Variants in FLT1 observed in about 807,000 individuals in gnomAD.
The protein encoded by FLT1 is vascular endothelial growth factor receptor 1.
In FLT1, 49 loss-of-function variants were observed where a neutral mutation model predicts 156.3. The observed-to-expected ratio is 0.31, with a 90% CI of 0.25 to 0.40. FLT1 has a LOEUF of 0.40. Ranked by LOEUF, FLT1 falls within the 10% of genes least tolerant of loss-of-function variation. The pLI, the probability that FLT1 is intolerant of heterozygous loss-of-function variation, is 1.00. For missense variants in FLT1, 1,322 were observed against 1,637.2 expected (o/e 0.81, Z 3.32); for synonymous variants, 594 against 583.8 (o/e 1.02, Z -0.25).
intron 10 of FLT1, among the ~76,000 whole-genome samples, chr13:28,422,786 C>G (rs1207909233): frequency 6.6e-6 from 1 of 152,206 alleles, no homozygotes; most frequent in Non-Finnish European, 1.5e-5. Flanking sequence ...GAAAAGTAGA[C>G]TTTCAACATC....
chr13:28,305,055 G>T, intron 29 of FLT1, among the ~76,000 whole-genome samples: 1 of 152,280 alleles, frequency 6.6e-6, no homozygotes, highest in Non-Finnish European at 1.5e-5. Context: ...CCTAGGAGTT[G>T]AATTGCTGAG....
At chr13:28,428,821 A>AT (rs1180981458) in intron 8 of FLT1, among the ~76,000 whole-genome samples, 5 of 152,222 alleles carry the variant, frequency 3.3e-5, no homozygotes, top group African/African-American at 1.2e-4. Context: ...ATCATGCATG[A>AT]TTATAAAGTC....
chr13:28,377,119 T>G (rs1258985341), intron 14 of FLT1, among the ~76,000 whole-genome samples: 1 of 152,188 alleles, frequency 6.6e-6, no homozygotes, highest in African/African-American at 2.4e-5. Context: ...TGTATTATAT[T>G]CACTTCAGCT....
At chr13:28,490,896 C>T (rs1182487719) in intron 1 of FLT1, among the ~76,000 whole-genome samples, 1 of 152,220 alleles carries the variant, frequency 6.6e-6, no homozygotes, top group East Asian at 1.9e-4. Context: ...TTAGACACGC[C>T]TGGCCTCTAC....
intron 3 of FLT1, among the ~76,000 whole-genome samples, chr13:28,446,034 C>G (rs1356266729): frequency 1.3e-5 from 2 of 152,008 alleles, no homozygotes; most frequent in Non-Finnish European, 2.9e-5. Flanking sequence ...TATATCATGT[C>G]AATAGAATAA....
At chr13:28,441,544 G>A (rs1878334023) in intron 3 of FLT1, among the ~76,000 whole-genome samples, 1 of 152,030 alleles carries the variant, frequency 6.6e-6, no homozygotes, top group Non-Finnish European at 1.5e-5. Flanking sequence ...GGTACCAGTA[G>A]GTAGATATGA....
intron 15 of FLT1, among the ~76,000 whole-genome samples, chr13:28,354,388 C>A (rs1476909868): frequency 6.6e-6 from 1 of 152,154 alleles, no homozygotes; most frequent in Non-Finnish European, 1.5e-5. Flanking sequence ...AATTTCACTA[C>A]CATCTCCCTT....
Position 28,303,481 on chromosome 13 carries a change from A to G in FLT1, c.3816-113T>C, listed in dbSNP as rs1302396511. On this transcript the variant is annotated intron_variant, in intron 29 of 29. Transcript: ENST00000282397. Reference sequence around the variant, plus strand: ...ATTTGTTCATACCTGTCTAGAGTTCATGGTTTTGGAACCCCCCCCCCCTCA... The same window carrying G: ...ATTTGTTCATACCTGTCTAGAGTTCGTGGTTTTGGAACCCCCCCCCCCTCA... The G allele has an allele frequency of 1.5e-5, 12 of 818,320 alleles. No individual in the cohort carries two copies. The African/African-American group carries it at 2.0e-4, about 14-fold the overall frequency. The allele number at this position is 818,320 out of a possible 1,614,324, so 50.7% of individuals were successfully genotyped here. A position where few individuals can be genotyped will look rare whatever the true frequency, so the allele number is the denominator to read the frequency against.
At chr13:28,412,330 T>C (rs9513102) in intron 10 of FLT1, among the ~76,000 whole-genome samples, 2,507 of 92,306 alleles carry the variant, frequency 0.027, 125 homozygotes, top group East Asian at 0.068. Context: ...TCTTTCTTTC[T>C]TTTCTTTCTT....
intron 3 of FLT1, among the ~76,000 whole-genome samples, chr13:28,465,048 T>TA (rs1479877016): frequency 4.6e-5 from 7 of 152,192 alleles, no homozygotes; most frequent in Non-Finnish European, 5.9e-5. Flanking sequence ...TACGTGGAAT[T>TA]AGAGAAAGAG....
At chr13:28,315,975 C>T (rs938716190) in intron 25 of FLT1, among the ~76,000 whole-genome samples, 1 of 152,176 alleles carries the variant, frequency 6.6e-6, no homozygotes, top group African/African-American at 2.4e-5. Flanking sequence ...CCTGACCACC[C>T]CTCAAGGTCT....
chr13:28,488,501 G>A (rs1337605978), intron 1 of FLT1, among the ~76,000 whole-genome samples: 1 of 142,308 alleles, frequency 7.0e-6, no homozygotes, highest in South Asian at 2.3e-4. Context: ...ACAAAACCAC[G>A]TGGGGATTTT....
chr13:28,360,443 C>T (rs1205966750), intron 14 of FLT1, among the ~76,000 whole-genome samples: 1 of 152,102 alleles, frequency 6.6e-6, no homozygotes, highest in Admixed American at 6.5e-5. Flanking sequence ...ACCTATGTGT[C>T]CATCAATGGA....
At chr13:28,455,848 T>C (rs1169723571) in intron 3 of FLT1, among the ~76,000 whole-genome samples, 3 of 152,184 alleles carry the variant, frequency 2.0e-5, no homozygotes, top group Non-Finnish European at 2.9e-5. Flanking sequence ...GACCTACAGA[T>C]GGCAAATAAG....
At position 28,341,936 on chromosome 13, in the gene FLT1, G is replaced by T. The variant is rs190264992; in HGVS notation, c.2356-2636C>A. ...TCACTCTTGTCGCCTAGGCTGGAGT[G>T]CAGCGATATGATCTCAGCTCACTGC... On this transcript the variant is annotated intron_variant, in intron 16 of 29. Coordinates refer to ENST00000282397, the MANE Select transcript of FLT1 (RefSeq NM_002019.4). 2.1e-3 allele frequency among the ~76,000 whole-genome samples: 323 copies of T among 152,212 alleles called. 1 individual carries two copies. The highest frequency in any genetic ancestry group is 7.4e-3 in the African/African-American group (308 of 41,492).
At chr13:28,485,141 AT>A (rs1295772676) in intron 1 of FLT1, among the ~76,000 whole-genome samples, 19 of 152,200 alleles carry the variant, frequency 1.2e-4, no homozygotes, top group African/African-American at 4.1e-4. Context: ...GAAATAAAAA[AT>A]ATATGTAAAT....
chr13:28,436,065 G>A (rs1878005968), intron 4 of FLT1, among the ~76,000 whole-genome samples: 1 of 152,210 alleles, frequency 6.6e-6, no homozygotes, highest in Admixed American at 6.5e-5. Context: ...CCTCCGAAGT[G>A]TTTCTCTTAC....
intron 1 of FLT1, among the ~76,000 whole-genome samples, chr13:28,482,896 A>G (rs1229708047): frequency 6.6e-6 from 1 of 152,220 alleles, no homozygotes; most frequent in Non-Finnish European, 1.5e-5. Flanking sequence ...TTCATTGACC[A>G]GTTTTGAAGA....
intron 18 of FLT1, among the ~76,000 whole-genome samples, chr13:28,330,520 G>A (rs530884439): frequency 2.7e-5 from 4 of 150,698 alleles, no homozygotes; most frequent in South Asian, 2.1e-4. Context: ...CTTCTTAGAA[G>A]CAGCCATGGT....
Sources: gnomAD v4.1 joint callset for allele counts (sites outside exome capture counted in the v4.1 genomes callset) on GRCh38, gnomAD v4.1.1 for gene constraint, MANE v1.5 for transcripts, NCBI Gene and HGNC (gene_info 2026-07-23, HGNC 2026-07-21) for gene names.